SH3PXD2A: variants seen among roughly 807,000 people sequenced by gnomAD.
The protein encoded by SH3PXD2A is SH3 and PX domain-containing protein 2A.
SH3PXD2A carries 32 observed loss-of-function variants against 115.2 expected under a neutral mutation model. That is an observed-to-expected ratio of 0.28 (90% CI 0.21 to 0.37). The LOEUF (loss-of-function observed/expected upper bound fraction) is 0.37, where lower values mean the gene tolerates loss of function less well. Ranked by LOEUF, SH3PXD2A falls within the 10% of genes least tolerant of loss-of-function variation. The pLI, the probability that SH3PXD2A is intolerant of heterozygous loss-of-function variation, is 1.00. For synonymous variants in SH3PXD2A, 610 were observed against 629.1 expected (o/e 0.97, Z 0.45); for missense variants, 1,328 against 1,498.7 (o/e 0.89, Z 1.88).
Position 103,665,059 on chromosome 10 carries a change from A to G in SH3PXD2A, c.472+3549T>C, listed in dbSNP as rs959422891. On this transcript the variant is annotated intron_variant, in intron 7 of 14. Transcript: ENST00000369774. The surrounding 1 kb of genome is among the most constrained non-coding windows in gnomAD (Gnocchi z 4.0). ...GGTGGCAGGCACTCAATAAGTGTGA[A>G]ATGAACCAGTGAAACGCGTGAACTG... 6.6e-6 allele frequency among the ~76,000 whole-genome samples: 1 copy of G among 152,208 alleles called. No homozygotes were observed. Among genetic ancestry groups the G allele is most frequent in the Non-Finnish European group, 1.5e-5 (1 of 68,044 alleles).
chr10:103,720,130 AC>A (rs1229348158), intron 5 of SH3PXD2A, among the ~76,000 whole-genome samples: 31 of 152,244 alleles, frequency 2.0e-4, no homozygotes, highest in African/African-American at 7.0e-4. Context: ...CTGGTTCCCC[AC>A]AGATGGCGCA....
intron 2 of SH3PXD2A, among the ~76,000 whole-genome samples, chr10:103,771,773 AC>A (rs1272492633): frequency 6.6e-6 from 1 of 151,928 alleles, no homozygotes; most frequent in African/African-American, 2.4e-5. Flanking sequence ...ACACACACAC[AC>A]ACACACAGAC....
At chr10:103,604,064 C>T (rs985153758) in intron 14 of SH3PXD2A, among the ~76,000 whole-genome samples, 1 of 152,196 alleles carries the variant, frequency 6.6e-6, no homozygotes, top group African/African-American at 2.4e-5. Flanking sequence ...GTTGAGCTGG[C>T]CCACTCTGCC....
intron 6 of SH3PXD2A, among the ~76,000 whole-genome samples, chr10:103,672,045 G>A (rs2037467858): frequency 6.6e-6 from 1 of 152,220 alleles, no homozygotes; most frequent in Non-Finnish European, 1.5e-5. Flanking sequence ...CAGCACTTTG[G>A]AGGCCGAGGT....
At chr10:103,671,659 C>A (rs2037461617) in intron 6 of SH3PXD2A, among the ~76,000 whole-genome samples, 1 of 152,280 alleles carries the variant, frequency 6.6e-6, no homozygotes, top group South Asian at 2.1e-4. Flanking sequence ...GAGGAGAGCC[C>A]CTGGCTCACA....
In SH3PXD2A at chr10:103,724,256, G is replaced by C; in HGVS notation, c.398+14C>G. ...CCTCCCCAGCACACAGGAGAGGCCT[G>C]AGCTATTACTTACTCTTTTGGAGGG... On this transcript the variant is annotated intron_variant, in intron 5 of 14. Coordinates refer to ENST00000369774, the MANE Select transcript of SH3PXD2A (RefSeq NM_001394015.1). 6.7e-7 allele frequency: 1 copy of C among 1,503,730 alleles called. No individual in the cohort carries two copies. The highest frequency in any genetic ancestry group is 9.0e-7 in the Non-Finnish European group (1 of 1,107,768). The allele number at this position is 1,503,730 out of a possible 1,614,324, so 93.1% of individuals were successfully genotyped here.
intron 9 of SH3PXD2A, among the ~76,000 whole-genome samples, chr10:103,626,150 C>G (rs1304360709): frequency 6.6e-6 from 1 of 152,268 alleles, no homozygotes; most frequent in Non-Finnish European, 1.5e-5. Context: ...AGGCTCTGGT[C>G]AAGGGGCTGA....
chr10:103,835,693 G>A (rs1427103538), intron 1 of SH3PXD2A, among the ~76,000 whole-genome samples: 2 of 152,044 alleles, frequency 1.3e-5, no homozygotes, highest in African/African-American at 4.8e-5. Flanking sequence ...CCAAGTCTTC[G>A]CTGATTTTCC....
At chr10:103,695,513 G>GAAAAAA (rs1321423150) in intron 5 of SH3PXD2A, among the ~76,000 whole-genome samples, 12 of 93,088 alleles carry the variant, frequency 1.3e-4, no homozygotes, top group Middle Eastern at 5.7e-3. Flanking sequence ...GTCTCAAAAA[G>GAAAAAA]AAAAAAAAAA....
chr10:103,854,822 G>T (rs1302286227), intron 1 of SH3PXD2A, among the ~76,000 whole-genome samples: 2 of 152,150 alleles, frequency 1.3e-5, no homozygotes, highest in African/African-American at 4.8e-5. Flanking sequence ...CTGTGTGAGC[G>T]TGAGCGCCCA....
chr10:103,764,769 G>A (rs185398309), intron 3 of SH3PXD2A, among the ~76,000 whole-genome samples: 12 of 152,296 alleles, frequency 7.9e-5, no homozygotes, highest in African/African-American at 2.6e-4. Context: ...GATGTGGAAG[G>A]GAGCCCTGGC....
At chr10:103,714,200 C>A (rs1266392476) in intron 5 of SH3PXD2A, among the ~76,000 whole-genome samples, 1 of 152,192 alleles carries the variant, frequency 6.6e-6, no homozygotes, top group Non-Finnish European at 1.5e-5. Flanking sequence ...AGGGCTTACC[C>A]CTTCCGCCAG....
At chr10:103,607,548 C>T (rs1332550313) in intron 13 of SH3PXD2A, among the ~76,000 whole-genome samples, 2 of 148,484 alleles carry the variant, frequency 1.3e-5, no homozygotes, top group East Asian at 2.0e-4. Flanking sequence ...GCCCCCTGCC[C>T]GGCCAGCCGC....
intron 1 of SH3PXD2A, among the ~76,000 whole-genome samples, chr10:103,813,478 G>C (rs2039292660): frequency 6.6e-6 from 1 of 152,000 alleles, no homozygotes; most frequent in Admixed American, 6.6e-5. Flanking sequence ...CACCATGCTT[G>C]GATAATTTTT....
chr10:103,606,555 G>T (rs2036310823), intron 13 of SH3PXD2A, among the ~76,000 whole-genome samples: 1 of 150,856 alleles, frequency 6.6e-6, no homozygotes, highest in Non-Finnish European at 1.5e-5. Context: ...GCCGAAGCTG[G>T]ACTGTACTGC....
At position 103,596,746 on chromosome 10, in the gene SH3PXD2A, C is replaced by T. The variant is rs1200101122; in HGVS notation, c.*5070G>A. ...TAATTATTTAGCAATGTGGACAGTT[C>T]TCTTCCCAGAGAGCTCTGCTTTGAG... On this transcript the variant is annotated 3_prime_UTR_variant, in exon 15 of 15. Coordinates refer to ENST00000369774, the MANE Select transcript of SH3PXD2A (RefSeq NM_001394015.1). The T allele has an allele frequency of 6.6e-6, 1 of 152,046 alleles. No individual in the cohort carries two copies. Among genetic ancestry groups the T allele is most frequent in the African/African-American group, 2.4e-5 (1 of 41,252 alleles). The allele number at this position is 152,046 out of a possible 1,614,324, so 9.4% of individuals were successfully genotyped here.
At chr10:103,693,116 A>T (rs1317316577) in intron 5 of SH3PXD2A, 60 bp from the exon 6 acceptor site, 1 of 1,494,826 alleles carries the variant, frequency 6.7e-7, no homozygotes, top group Admixed American at 1.7e-5. Context: ...GCGGGGCTGC[A>T]GCTGCAGGGG....
intron 2 of SH3PXD2A, among the ~76,000 whole-genome samples, chr10:103,783,947 TG>T (rs1434909859): frequency 6.6e-6 from 1 of 152,104 alleles, no homozygotes; most frequent in Non-Finnish European, 1.5e-5. Flanking sequence ...AGGCTCTCCT[TG>T]GGGGAAAAAC....
At chr10:103,735,858 G>A in intron 3 of SH3PXD2A, 50 bp from the exon 4 acceptor site, 2 of 1,415,174 alleles carry the variant, frequency 1.4e-6, no homozygotes, top group African/African-American at 2.8e-5. Context: ...AACTGCTACA[G>A]AGACCTTCTC....
Sources: allele counts gnomAD v4.1 joint callset (sites outside exome capture counted in the v4.1 genomes callset), GRCh38; gene constraint gnomAD v4.1.1; non-coding constraint Gnocchi (gnomAD v3.1); transcripts MANE v1.5; gene names NCBI Gene and HGNC (gene_info 2026-07-23, HGNC 2026-07-21).